MAG: variants seen among roughly 807,000 people sequenced by gnomAD.
MAG encodes the protein myelin-associated glycoprotein.
MAG carries 30 observed loss-of-function variants against 60.7 expected under a neutral mutation model. The observed-to-expected ratio is 0.49, with a 90% CI of 0.37 to 0.67. The LOEUF (loss-of-function observed/expected upper bound fraction) is 0.67. Ranked by LOEUF, MAG falls within the 30% of genes least tolerant of loss-of-function variation. MAG has a pLI of 0.00. For missense variants in MAG, 795 were observed against 851.7 expected, an observed-to-expected ratio of 0.93 and a Z score of 0.83; for synonymous variants, 384 against 376.8, an observed-to-expected ratio of 1.02 and a Z score of -0.22.
rs749714160 is a variant in MAG, at chr19:35,299,674, G to A, written c.536G>A (p.Gly179Glu). 3 of 1,601,936 alleles carry A rather than the reference G, an allele frequency of 1.9e-6. No individual in the cohort carries two copies. The highest frequency in any genetic ancestry group is 2.6e-6 in the Non-Finnish European group (3 of 1,175,056). ...RPELSWLGHEGLGEPAVLGRL... is the reference protein window; with the variant it reads ...RPELSWLGHEELGEPAVLGRL... ...GAGCTGAGCTGGCTGGGCCACGAGG[G>A]GCTGGGGGAGCCCGCTGTGCTGGGC... Residue 179 changes from glycine to glutamate, a missense_variant, in exon 5 of 11, where the codon GGG (glycine) becomes GAG (glutamate). Gly to Glu is a moderately conservative substitution (Grantham distance 98). Coordinates refer to ENST00000392213, the MANE Select transcript of MAG (RefSeq NM_002361.4).
intron 7 of MAG, among the ~76,000 whole-genome samples, chr19:35,305,815 C>T (rs1014651728): frequency 9.2e-5 from 14 of 152,176 alleles, no homozygotes; most frequent in African/African-American, 3.1e-4. Flanking sequence ...ATTAGCCAGG[C>T]GTGATGGCGC....
chr19:35,310,737 A>C, intron 9 of MAG, 94 bp downstream of exon 9: 1 of 1,037,932 alleles, frequency 9.6e-7, no homozygotes, highest in Non-Finnish European at 1.5e-6. Flanking sequence ...GGAAGGCAGC[A>C]CCATAAGTGT....
intron 7 of MAG, among the ~76,000 whole-genome samples, chr19:35,305,082 G>A (rs186303447): frequency 3.3e-5 from 5 of 152,100 alleles, no homozygotes; most frequent in South Asian, 2.1e-4. Context: ...AAACGAACAC[G>A]CAGGCAGATG....
chr19:35,309,871 C>T lies in MAG; in HGVS notation c.1232-3C>T. The stretch of plus-strand genomic sequence containing the variant: ...ACCCTCAGACCTGATTTTGCCCCTG[C>T]AGTCGCCCCTGTGCTCCTCCTGGAG... On this transcript the variant is annotated splice_polypyrimidine_tract_variant and splice_region_variant and intron_variant, in intron 7 of 10. Transcript: ENST00000392213. The T allele has an allele frequency of 6.2e-7, 1 of 1,604,840 alleles. No homozygotes were observed. Among genetic ancestry groups the T allele is most frequent in the Non-Finnish European group, 8.5e-7 (1 of 1,176,244 alleles).
At chr19:35,309,337 G>A (rs1016686135) in intron 7 of MAG, among the ~76,000 whole-genome samples, 1 of 152,212 alleles carries the variant, frequency 6.6e-6, no homozygotes, top group Non-Finnish European at 1.5e-5. Context: ...GAGAGAAAGG[G>A]AGGGTCTACC....
rs183935449 is a variant in MAG at position 35,293,034 on chromosome 19, C to T, written c.-80+830C>T. On this transcript the variant is annotated intron_variant, in intron 1 of 10. Coordinates refer to ENST00000392213, the MANE Select transcript of MAG (RefSeq NM_002361.4). The surrounding 1 kb of genome is among the most constrained non-coding windows in gnomAD (Gnocchi z 4.0). ...TGTAATAGCTGAGGTTGATTTGGCCCCCATCCCGAGAACTTGTTTTCCCCG... is the reference window on the plus strand; with the variant it reads ...TGTAATAGCTGAGGTTGATTTGGCCTCCATCCCGAGAACTTGTTTTCCCCG... Among the ~76,000 whole-genome samples the T allele has an allele frequency of 6.6e-6, 1 of 152,252 alleles. No individual in the cohort carries two copies. Among genetic ancestry groups the T allele is most frequent in the East Asian group, 1.9e-4 (1 of 5,174 alleles).
At chr19:35,304,440 T>C (rs944373819) in intron 7 of MAG, among the ~76,000 whole-genome samples, 3 of 152,150 alleles carry the variant, frequency 2.0e-5, no homozygotes, top group African/African-American at 4.8e-5. Flanking sequence ...CTCTCCTTTA[T>C]AGTAAGAGCA....
Position 35,300,278 on chromosome 19 carries a change from G to C in MAG, c.844G>C (p.Glu282Gln). ...TWMRDGTVLR[E>Q]AVAESLLLEL... ...GATGCGGGACGGGACAGTCCTCCGGGAGGCGGTGGCCGAGAGCCTGCTCCT... is the reference window on the plus strand; with the variant it reads ...GATGCGGGACGGGACAGTCCTCCGGCAGGCGGTGGCCGAGAGCCTGCTCCT... The change falls in exon 6 of 11, where the codon GAG (glutamate) becomes CAG (glutamine). Residue 282 changes from glutamate to glutamine, a missense_variant. Physicochemically the swap from Glu to Gln is conservative, Grantham distance 29. Transcript: ENST00000392213. 2 of 1,599,404 alleles carry C rather than the reference G, an allele frequency of 1.3e-6. No homozygotes were observed. Among genetic ancestry groups the C allele is most frequent in the Non-Finnish European group, 1.7e-6 (2 of 1,178,678 alleles).
chr19:35,297,129 C>T (rs2066403833), intron 4 of MAG, among the ~76,000 whole-genome samples: 1 of 150,008 alleles, frequency 6.7e-6, no homozygotes, highest in Admixed American at 6.7e-5. Context: ...AAACCACACA[C>T]CACACACACA....
intron 6 of MAG, among the ~76,000 whole-genome samples, chr19:35,301,861 C>T (rs1165484777): frequency 2.6e-5 from 4 of 151,902 alleles, no homozygotes; most frequent in South Asian, 4.2e-4. Context: ...CCACCACGCT[C>T]GGACTCCTGC....
chr19:35,308,363 A>G (rs959088313), intron 7 of MAG, among the ~76,000 whole-genome samples: 1 of 152,238 alleles, frequency 6.6e-6, no homozygotes, highest in African/African-American at 2.4e-5. Context: ...TGTGGCTGGA[A>G]AGGACTAAGC....
chr19:35,296,110 T>C (rs893272992), intron 4 of MAG, 129 bp downstream of exon 4: 5 of 1,332,822 alleles, frequency 3.8e-6, no homozygotes, highest in African/African-American at 2.9e-5. Flanking sequence ...CTGATTTGGC[T>C]GGGGGTGCAA....
chr19:35,311,560 T>C (rs907741058), intron 9 of MAG, among the ~76,000 whole-genome samples: 4 of 152,218 alleles, frequency 2.6e-5, no homozygotes, highest in Admixed American at 2.0e-4. Flanking sequence ...TGTTTCTTTC[T>C]TGTGGCACAC....
At position 35,299,868 on chromosome 19, in the gene MAG, CGGGGCGGGGTGGGGCGGGGT is replaced by C; in HGVS notation, c.712+29_712+48del. 1 of 133,188 alleles carries C rather than the reference CGGGGCGGGGTGGGGCGGGGT, an allele frequency of 7.5e-6. No homozygotes were observed. The highest frequency in any genetic ancestry group is 1.0e-5 in the Non-Finnish European group (1 of 97,490). The allele number at this position is 133,188 out of a possible 1,614,324, so 8.3% of individuals were successfully genotyped here. A position where few individuals can be genotyped will look rare whatever the true frequency, so the allele number is the denominator to read the frequency against. On this transcript the variant is annotated intron_variant, in intron 5 of 10. Transcript: ENST00000392213. ...CGTCAAGTGTGAGCCTGGGTGCGGG[CGGGGCGGGGTGGGGCGGGGT>C]GGGGCGGGGTCCGGGGAGGGGGTGG...
rs141352771 is a variant in MAG, at chr19:35,311,958, A to C, written c.1657A>C (p.Asn553His). 1.1e-3 allele frequency: 1,781 copies of C among 1,613,448 alleles called. 18 individuals carry two copies. The African/African-American group carries it at 0.019, about 17-fold the overall frequency. The change falls in exon 10 of 11, where the codon AAC (asparagine) becomes CAC (histidine). Residue 553 changes from asparagine (N) to histidine (H), a missense_variant. Physicochemically the swap from Asn to His is moderately conservative, Grantham distance 68. Coordinates refer to ENST00000392213, the MANE Select transcript of MAG (RefSeq NM_002361.4). ...GAGCCCCAGCTTCTCGGCAGGGGAC[A>C]ACCCTCCCGTCCTGTTCAGCAGCGA... is the stretch of plus-strand genomic sequence containing the variant. Reference protein sequence around the residue: ...TESPSFSAGDNPPVLFSSDFR... With the variant: ...TESPSFSAGDHPPVLFSSDFR...
Position 35,293,202 on chromosome 19 carries a change from G to T in MAG, c.-80+998G>T, listed in dbSNP as rs1375659534. On this transcript the variant is annotated intron_variant, in intron 1 of 10. Transcript: ENST00000392213. This position sits in a 1 kb window ranked among gnomAD's most constrained non-coding sequence, Gnocchi z 4.0. ...GTGTCCATCGGCGCGTGTCTGAGTG[G>T]ACGCGTCTATAGCCATCCTCAGTGT... Among the ~76,000 whole-genome samples, 2 of 151,894 alleles carry T rather than the reference G, an allele frequency of 1.3e-5. No individual in the cohort carries two copies. Among genetic ancestry groups the T allele is most frequent in the Admixed American group, 6.6e-5 (1 of 15,248 alleles).
chr19:35,313,672 C>T lies in MAG; in HGVS notation c.*218C>T. 1 of 530,456 alleles carries T rather than the reference C, an allele frequency of 1.9e-6. No homozygotes were observed. The allele number at this position is 530,456 out of a possible 1,614,324, so 32.9% of individuals were successfully genotyped here. Reference sequence around the variant, plus strand: ...CTCATTACGGCTCCTCTCTAACCTCCTTTACCCTCATCTGTCTGGAGGGGA... The same window carrying T: ...CTCATTACGGCTCCTCTCTAACCTCTTTTACCCTCATCTGTCTGGAGGGGA... On this transcript the variant is annotated 3_prime_UTR_variant, in exon 11 of 11. Transcript: ENST00000392213.
chr19:35,301,421 CTT>C (rs921172708), intron 6 of MAG, among the ~76,000 whole-genome samples: 10 of 139,068 alleles, frequency 7.2e-5, no homozygotes, highest in African/African-American at 2.6e-4. Context: ...CTCCACAGCT[CTT>C]GAGTGCTTTT....
intron 8 of MAG, 79 bp downstream of exon 8, chr19:35,310,240 C>A: frequency 6.7e-7 from 1 of 1,495,004 alleles, no homozygotes; most frequent in South Asian, 1.3e-5. Flanking sequence ...GGCTGACCAA[C>A]AGCCACAGAG....
Sources: gnomAD v4.1 joint callset for allele counts (sites outside exome capture counted in the v4.1 genomes callset) on GRCh38, gnomAD v4.1.1 for gene constraint, Gnocchi (gnomAD v3.1) non-coding constraint, MANE v1.5 for transcripts, NCBI Gene and HGNC (gene_info 2026-07-23, HGNC 2026-07-21) for gene names.